AOPEP: variants seen among roughly 807,000 people sequenced by gnomAD.
The protein encoded by AOPEP is aminopeptidase O (putative).
A neutral mutation model predicts 98.1 loss-of-function variants in AOPEP; 77 were observed. The ratio of observed to expected loss-of-function variants is 0.78; its 90% CI spans 0.65 to 0.95. The LOEUF (loss-of-function observed/expected upper bound fraction) is 0.95. Among genes scored for constraint, AOPEP ranks in the 40% least tolerant of loss-of-function variants. The pLI is 0.00. For missense variants in AOPEP, 1,024 were observed against 1,024.7 expected (o/e 1.00, Z 0.01); for synonymous variants, 346 against 365.3 (o/e 0.95, Z 0.60).
intron 14 of AOPEP, among the ~76,000 whole-genome samples, chr9:95,073,160 G>A (rs1368827680): frequency 1.3e-5 from 2 of 152,196 alleles, no homozygotes; most frequent in Non-Finnish European, 2.9e-5. Flanking sequence ...GTCCTGCTGC[G>A]AGTCTCTGAC....
chr9:94,970,808 T>G (rs1427215468), intron 10 of AOPEP, among the ~76,000 whole-genome samples: 1 of 152,082 alleles, frequency 6.6e-6, no homozygotes. Flanking sequence ...TTTTTTCCTT[T>G]TCTTCGTACC....
chr9:94,831,846 A>G (rs542388055), intron 5 of AOPEP, among the ~76,000 whole-genome samples: 1 of 152,240 alleles, frequency 6.6e-6, no homozygotes, highest in Admixed American at 6.5e-5. Flanking sequence ...AAGGAGAACT[A>G]CAAACCACTG....
chr9:95,102,576 C>G, the AOPEP span, among the ~76,000 whole-genome samples: 1 of 152,190 alleles, frequency 6.6e-6, no homozygotes, highest in Admixed American at 6.5e-5. Context: ...TAGTGTGTGT[C>G]AGTTTATACA....
intron 5 of AOPEP, among the ~76,000 whole-genome samples, chr9:94,861,597 C>G (rs891720254): frequency 6.6e-6 from 1 of 152,202 alleles, no homozygotes; most frequent in Admixed American, 6.5e-5. Context: ...CCTGCTCCAC[C>G]AGGCTGCCAG....
At chr9:94,932,610 A>G (rs752906306) in intron 7 of AOPEP, 1 of 166,366 alleles carries the variant, frequency 6.0e-6, no homozygotes, top group Non-Finnish European at 1.2e-5. Context: ...CAGTCTCCCA[A>G]GTAGCTGGAA....
At chr9:94,872,801 A>C (rs1285095343) in intron 5 of AOPEP, among the ~76,000 whole-genome samples, 1 of 152,232 alleles carries the variant, frequency 6.6e-6, no homozygotes, top group Non-Finnish European at 1.5e-5. Flanking sequence ...AAGATGAACA[A>C]ACAGCCATTA....
At chr9:94,943,919 C>CAAAAAAAAAAAAAAAAAAAAAAAAA (rs775807087) in intron 7 of AOPEP, among the ~76,000 whole-genome samples, 3 of 17,418 alleles carry the variant, frequency 1.7e-4, no homozygotes, top group African/African-American at 2.9e-4. Context: ...GACTCCATCT[C>CAAAAAAAAAAAAAAAAAAAAAAAAA]AAAAAAAAAA....
intron 13 of AOPEP, among the ~76,000 whole-genome samples, chr9:95,030,733 A>G (rs893149103): frequency 7.9e-5 from 12 of 152,158 alleles, no homozygotes; most frequent in African/African-American, 2.9e-4. Context: ...ATCTCAGGGG[A>G]CACTGCCAGC....
chr9:94,866,876 T>G (rs555161111), intron 5 of AOPEP, among the ~76,000 whole-genome samples: 7 of 152,354 alleles, frequency 4.6e-5, no homozygotes, highest in African/African-American at 1.4e-4. Flanking sequence ...AATCAGTTTA[T>G]AAAATGTGAG....
intron 1 of AOPEP, among the ~76,000 whole-genome samples, chr9:94,753,995 G>A (rs114331996): frequency 0.011 from 1,663 of 152,244 alleles, 35 homozygotes; most frequent in African/African-American, 0.038. Flanking sequence ...GTAGGGGAAC[G>A]TATGGATACA....
the AOPEP span, among the ~76,000 whole-genome samples, chr9:95,136,071 G>A: frequency 9.6e-4 from 146 of 152,142 alleles, 2 homozygotes; most frequent in African/African-American, 3.4e-3. Context: ...AATTATAATC[G>A]GTTGCTTGAA....
intron 14 of AOPEP, among the ~76,000 whole-genome samples, chr9:95,075,857 C>G (rs923399611): frequency 6.6e-6 from 1 of 152,148 alleles, no homozygotes; most frequent in African/African-American, 2.4e-5. Context: ...GATGACCGAA[C>G]GACACCCTGC....
At chr9:94,996,778 A>G (rs1330568327) in intron 11 of AOPEP, among the ~76,000 whole-genome samples, 5 of 152,178 alleles carry the variant, frequency 3.3e-5, no homozygotes, top group Admixed American at 2.6e-4. Flanking sequence ...TTCCTATAGC[A>G]GCAATATATG....
intron 13 of AOPEP, among the ~76,000 whole-genome samples, chr9:95,059,455 G>A (rs943091012): frequency 6.6e-6 from 1 of 151,834 alleles, no homozygotes; most frequent in East Asian, 1.9e-4. Flanking sequence ...TGCGGTGGGT[G>A]TGGTGTTTGC....
the AOPEP span, chr9:95,145,400 C>T: frequency 6.6e-6 from 1 of 152,202 alleles, no homozygotes; most frequent in Non-Finnish European, 1.5e-5. Flanking sequence ...AATGGTAAAA[C>T]GTATGTGTTC....
chr9:95,005,755 A>G, intron 13 of AOPEP, 139 bp downstream of exon 13: 1 of 682,094 alleles, frequency 1.5e-6, no homozygotes, highest in Non-Finnish European at 2.6e-6. Flanking sequence ...ATATATGGGG[A>G]AATTCTACAG....
rs1487045258 is a variant in AOPEP, at chr9:94,760,722, A to T, written c.797+142A>T. ...CAAGTAGCCTCAAATCCTTAGACCT[A>T]CAGTGAAGCAGGTAAATTCCCAGGC... is the stretch of plus-strand genomic sequence containing the variant. On this transcript the variant is annotated intron_variant, in intron 2 of 16. Coordinates refer to ENST00000375315, the MANE Select transcript of AOPEP (RefSeq NM_001193329.3). 6.7e-6 allele frequency: 4 copies of T among 595,550 alleles called. No homozygotes were observed. In the East Asian group the frequency reaches 1.2e-4, roughly 18 times the overall value. 36.9% of individuals were successfully genotyped at this position (595,550 alleles called of 1,614,324 possible). A position where few individuals can be genotyped will look rare whatever the true frequency, so the allele number is the denominator to read the frequency against.
intron 13 of AOPEP, among the ~76,000 whole-genome samples, chr9:95,008,351 C>T (rs1421796670): frequency 1.3e-5 from 2 of 152,098 alleles, no homozygotes; most frequent in African/African-American, 2.4e-5. Context: ...TTTTTCCTGC[C>T]GTGTGGAAAG....
intron 3 of AOPEP, among the ~76,000 whole-genome samples, chr9:94,785,492 G>C (rs1844231765): frequency 6.6e-6 from 1 of 152,198 alleles, no homozygotes; most frequent in Non-Finnish European, 1.5e-5. Context: ...AGGGGCGTTA[G>C]AGAACTCTGG....
Sources: allele counts gnomAD v4.1 joint callset (sites outside exome capture counted in the v4.1 genomes callset), GRCh38; gene constraint gnomAD v4.1.1; transcripts MANE v1.5; gene names NCBI Gene and HGNC (gene_info 2026-07-23, HGNC 2026-07-21).